The following RUNX1 variants were observed in gnomAD, a reference collection of about 807,000 sequenced individuals.
RUNX1 encodes the protein runt-related transcription factor 1.
RUNX1 carries 19 observed loss-of-function variants against 42.8 expected under a neutral mutation model. The ratio of observed to expected loss-of-function variants is 0.44; its 90% CI spans 0.31 to 0.65. The LOEUF (loss-of-function observed/expected upper bound fraction) is 0.65, where lower values mean the gene tolerates loss of function less well. RUNX1 is among the 30% of genes least tolerant of loss of function. RUNX1 has a pLI of 0.07. For synonymous variants in RUNX1, 271 were observed against 289.4 expected (o/e 0.94, Z 0.64); for missense variants, 528 against 672.0 (o/e 0.79, Z 2.37).
intron 3 of RUNX1, chr21:34,889,635 C>T (rs948235226): frequency 1.3e-5 from 14 of 1,097,970 alleles, no homozygotes; most frequent in Admixed American, 5.7e-5. Context: ...CGCTCCTCTC[C>T]CCGCCCCCGT....
chr21:34,942,935 T>C (rs1290920417), intron 2 of RUNX1, among the ~76,000 whole-genome samples: 1 of 152,218 alleles, frequency 6.6e-6, no homozygotes, highest in African/African-American at 2.4e-5. Flanking sequence ...ACATATCAAC[T>C]GTGAACCCTG....
At chr21:34,852,575 A>G (rs2057437294) in intron 6 of RUNX1, among the ~76,000 whole-genome samples, 1 of 152,210 alleles carries the variant, frequency 6.6e-6, no homozygotes, top group African/African-American at 2.4e-5. Flanking sequence ...CTTAACACAG[A>G]AGGAATTAAA....
At chr21:34,954,683 C>T (rs984942209) in intron 2 of RUNX1, among the ~76,000 whole-genome samples, 12 of 152,116 alleles carry the variant, frequency 7.9e-5, no homozygotes, top group African/African-American at 2.4e-4. Flanking sequence ...TCCCACCCAC[C>T]CTCTCTCCCC....
At chr21:34,855,541 C>T (rs1214712778) in intron 6 of RUNX1, among the ~76,000 whole-genome samples, 3 of 152,122 alleles carry the variant, frequency 2.0e-5, no homozygotes, top group Non-Finnish European at 4.4e-5. Context: ...CCCGTCTCTA[C>T]TAAAAATACA....
At chr21:34,824,815 G>A (rs1285428769) in intron 7 of RUNX1, among the ~76,000 whole-genome samples, 1 of 152,138 alleles carries the variant, frequency 6.6e-6, no homozygotes, top group Non-Finnish European at 1.5e-5. Flanking sequence ...AACTGAATTC[G>A]AGTGGGCCTG....
At chr21:35,016,101 G>A (rs1276279663) in intron 2 of RUNX1, among the ~76,000 whole-genome samples, 1 of 152,216 alleles carries the variant, frequency 6.6e-6, no homozygotes, top group Non-Finnish European at 1.5e-5. Context: ...CCATCAATGG[G>A]AAAGAGACCA....
At chr21:34,959,055 T>A (rs1053963848) in intron 2 of RUNX1, among the ~76,000 whole-genome samples, 8 of 122,994 alleles carry the variant, frequency 6.5e-5, no homozygotes, top group Admixed American at 3.5e-4. Context: ...TGTTGTGGGG[T>A]GGGGGGAGTG....
intron 2 of RUNX1, among the ~76,000 whole-genome samples, chr21:35,044,186 T>C (rs1227103533): frequency 2.0e-5 from 3 of 152,218 alleles, no homozygotes; most frequent in African/African-American, 4.8e-5. Flanking sequence ...TCCATGCCCA[T>C]GTGGGATCCT....
At chr21:34,994,658 GTACCCGTAAA>G (rs2058979615) in intron 2 of RUNX1, among the ~76,000 whole-genome samples, 1 of 151,860 alleles carries the variant, frequency 6.6e-6, no homozygotes, top group African/African-American at 2.4e-5. Context: ...CGGGTACTAC[GTACCCGTAAA>G]AATTGAAAAT....
chr21:35,038,651 TAG>T (rs145814354), intron 2 of RUNX1: 78,266 of 308,624 alleles, frequency 0.25, no homozygotes, highest in South Asian at 0.4. Context: ...GTGTGTGAGA[TAG>T]AGAGAGAGAG....
intron 4 of RUNX1, among the ~76,000 whole-genome samples, chr21:34,886,036 G>C (rs1319733201): frequency 2.0e-5 from 3 of 152,194 alleles, no homozygotes; most frequent in Non-Finnish European, 4.4e-5. Flanking sequence ...AAAGTGAAGG[G>C]AGATCTTTGG....
intron 2 of RUNX1, among the ~76,000 whole-genome samples, chr21:35,026,689 G>C (rs1342338603): frequency 6.6e-6 from 1 of 152,236 alleles, no homozygotes; most frequent in Non-Finnish European, 1.5e-5. Context: ...GGACTTGTTG[G>C]TGGATCCATC....
At chr21:34,947,734 C>T (rs1357055403) in intron 2 of RUNX1, among the ~76,000 whole-genome samples, 2 of 152,162 alleles carry the variant, frequency 1.3e-5, no homozygotes, top group Non-Finnish European at 2.9e-5. Context: ...CCTGTATTTC[C>T]CTCAGAGGTC....
chr21:34,888,256 G>A (rs1249864700), intron 3 of RUNX1: 1 of 1,067,150 alleles, frequency 9.4e-7, no homozygotes, highest in East Asian at 4.9e-5. Context: ...GCAGCAGGTG[G>A]AGCGGGCCTT....
intron 8 of RUNX1, among the ~76,000 whole-genome samples, chr21:34,794,309 G>A (rs1212770086): frequency 1.3e-5 from 2 of 152,004 alleles, no homozygotes; most frequent in Middle Eastern, 3.2e-3. Flanking sequence ...GTATTTAAGC[G>A]AATGCATGGC....
chr21:34,836,438 C>T (rs1022467252), intron 6 of RUNX1, among the ~76,000 whole-genome samples: 1 of 152,210 alleles, frequency 6.6e-6, no homozygotes, highest in Non-Finnish European at 1.5e-5. Flanking sequence ...TGAAGCCTTC[C>T]TTAGCTCCTC....
chr21:34,825,589 G>A (rs965621838), intron 7 of RUNX1, among the ~76,000 whole-genome samples: 2 of 152,180 alleles, frequency 1.3e-5, no homozygotes, highest in South Asian at 2.1e-4. Flanking sequence ...TGTTTGTTCT[G>A]GGGGATGGAC....
At chr21:34,976,662 T>C (rs1004236166) in intron 2 of RUNX1, among the ~76,000 whole-genome samples, 1 of 152,172 alleles carries the variant, frequency 6.6e-6, no homozygotes, top group African/African-American at 2.4e-5. Flanking sequence ...AGGTTGACAA[T>C]TGATAGGCTA....
chr21:35,045,130 A>T (rs1312540131), intron 2 of RUNX1, among the ~76,000 whole-genome samples: 2 of 152,162 alleles, frequency 1.3e-5, no homozygotes, highest in Admixed American at 1.3e-4. Context: ...CATTTTCTAC[A>T]GTTTCTTAGC....
Sources: allele counts gnomAD v4.1 joint callset (sites outside exome capture counted in the v4.1 genomes callset), GRCh38; gene constraint gnomAD v4.1.1; transcripts MANE v1.5; gene names NCBI Gene and HGNC (gene_info 2026-07-23, HGNC 2026-07-21).